Variants in KIF26B observed in about 807,000 individuals in gnomAD.
KIF26B encodes the protein kinesin family member 26B, also known as kinesin-like protein KIF26B.
In KIF26B, 63 loss-of-function variants were observed where a neutral mutation model predicts 151.2. The observed-to-expected ratio is 0.42, with a 90% CI of 0.34 to 0.51. The LOEUF (loss-of-function observed/expected upper bound fraction) is 0.51. Among genes scored for constraint, KIF26B ranks in the 20% least tolerant of loss-of-function variants. The pLI is 0.07. For missense variants in KIF26B, 2,813 were observed against 2,913.6 expected, an observed-to-expected ratio of 0.97 and a Z score of 0.79; for synonymous variants, 1,357 against 1,262.1, an observed-to-expected ratio of 1.08 and a Z score of -1.59.
intron 9 of KIF26B, among the ~76,000 whole-genome samples, chr1:245,626,924 C>A (rs182749692): frequency 6.6e-6 from 1 of 152,070 alleles, no homozygotes; most frequent in African/African-American, 2.4e-5. Flanking sequence ...TAAGAGATAG[C>A]GGTCTAGTTT....
intron 4 of KIF26B, among the ~76,000 whole-genome samples, chr1:245,464,386 TGTGTGTGTGGGTGTGTGCGTATGTGGGG>T (rs1385403733): frequency 2.0e-5 from 3 of 149,834 alleles, no homozygotes; most frequent in African/African-American, 5.0e-5. Context: ...TGTGTAGGTG[TGTGTGTGTGGGTGTGTGCGTATGTGGGG>T]GTGTGTGTGG....
chr1:245,610,066 C>T (rs1490708215), intron 8 of KIF26B, among the ~76,000 whole-genome samples: 6 of 152,196 alleles, frequency 3.9e-5, no homozygotes, highest in Non-Finnish European at 7.3e-5. Flanking sequence ...GAGGGTCTCT[C>T]CTTTGCTGTT....
chr1:245,348,138 C>G (rs1191792628), intron 2 of KIF26B, among the ~76,000 whole-genome samples: 3 of 152,138 alleles, frequency 2.0e-5, no homozygotes, highest in African/African-American at 7.2e-5. Flanking sequence ...TTTTTGATTT[C>G]TCCTTTGAGC....
In KIF26B at chr1:245,686,033, C is replaced by T. The variant is rs2044511636; in HGVS notation, c.3050C>T (p.Pro1017Leu). ...CCCGCCGCGGCACCCGCCCACAGCC[C>T]CAGCCCGGCCTCACCCAGGAGCGTC... Reference protein sequence around the residue: ...PVPAAAPAHSPSPASPRSVPG... With the variant: ...PVPAAAPAHSLSPASPRSVPG... Residue 1017 changes from proline (P) to leucine (L), a missense_variant, in exon 12 of 15, where the codon CCC (proline) becomes CTC (leucine). By Grantham distance (98) the Pro-to-Leu change is moderately conservative (BLOSUM62 -3). Coordinates refer to ENST00000407071, the MANE Select transcript of KIF26B (RefSeq NM_018012.4). The surrounding 1 kb of genome is among the most constrained non-coding windows in gnomAD (Gnocchi z 5.6). 6.3e-7 allele frequency: 1 copy of T among 1,594,936 alleles called. No homozygotes were observed. The highest frequency in any genetic ancestry group is 2.3e-5 in the East Asian group (1 of 43,618).
At chr1:245,487,105 G>C (rs563180809) in intron 4 of KIF26B, among the ~76,000 whole-genome samples, 17 of 152,004 alleles carry the variant, frequency 1.1e-4, no homozygotes, top group East Asian at 7.7e-4. Context: ...AGAATGGGGG[G>C]GGTGGTTAGA....
At chr1:245,469,065 G>T (rs747001274) in intron 4 of KIF26B, among the ~76,000 whole-genome samples, 29 of 151,992 alleles carry the variant, frequency 1.9e-4, no homozygotes, top group Non-Finnish European at 1.0e-4. Flanking sequence ...AAAGAGAAGG[G>T]TGGCTCTGCT....
intron 4 of KIF26B, among the ~76,000 whole-genome samples, chr1:245,442,788 AGCG>A (rs1659142843): frequency 9.0e-6 from 1 of 111,474 alleles, no homozygotes; most frequent in Non-Finnish European, 1.8e-5. Flanking sequence ...GTTCACCTAC[AGCG>A]GTCATCTCCC....
intron 2 of KIF26B, among the ~76,000 whole-genome samples, chr1:245,171,788 G>C (rs1668714187): frequency 6.6e-6 from 1 of 152,168 alleles, no homozygotes; most frequent in African/African-American, 2.4e-5. Flanking sequence ...ATCAGGATTT[G>C]TATATTTTGC....
At position 245,701,626 on chromosome 1, in the gene KIF26B, CATT is replaced by C. The variant is rs543021973; in HGVS notation, c.6179-826_6179-824del. ...ATCGTTTTCAAATCAAGTTCGTGTT[CATT>C]ATTATCTCATTTTATTCTTCACAGC... On this transcript the variant is annotated intron_variant, in intron 14 of 14. Transcript: ENST00000407071. 2.0e-3 allele frequency among the ~76,000 whole-genome samples: 304 copies of C among 152,216 alleles called. 1 individual carries two copies. Among genetic ancestry groups the C allele is most frequent in the African/African-American group, 6.9e-3 (288 of 41,504 alleles).
chr1:245,454,167 A>C (rs1189043494), intron 4 of KIF26B, among the ~76,000 whole-genome samples: 1 of 152,224 alleles, frequency 6.6e-6, no homozygotes. Context: ...TTATGAGTGA[A>C]GAAGGGAGCT....
chr1:245,679,107 G>A (rs1356861381), intron 10 of KIF26B, among the ~76,000 whole-genome samples: 1 of 152,134 alleles, frequency 6.6e-6, no homozygotes, highest in Non-Finnish European at 1.5e-5. Context: ...AAAGGAGCAG[G>A]TAGCGAGCAT....
chr1:245,287,495 TCTC>T (rs201010054), intron 2 of KIF26B, among the ~76,000 whole-genome samples: 73 of 79,274 alleles, frequency 9.2e-4, no homozygotes, highest in African/African-American at 1.8e-3. Flanking sequence ...CATCTCTCTC[TCTC>T]TTTTTTTTTT....
chr1:245,677,946 C>T (rs145996559), intron 10 of KIF26B, among the ~76,000 whole-genome samples: 1 of 152,212 alleles, frequency 6.6e-6, no homozygotes, highest in Non-Finnish European at 1.5e-5. Flanking sequence ...CAGCCTTTCC[C>T]ATGAGGGATA....
At chr1:245,604,028 TTGG>T (rs984490492) in intron 6 of KIF26B, among the ~76,000 whole-genome samples, 37 of 152,216 alleles carry the variant, frequency 2.4e-4, no homozygotes, top group African/African-American at 8.7e-4. Flanking sequence ...CCCTGGAGCT[TTGG>T]TGAAGATGGG....
At chr1:245,650,687 A>G (rs1311039975) in intron 10 of KIF26B, among the ~76,000 whole-genome samples, 1 of 152,266 alleles carries the variant, frequency 6.6e-6, no homozygotes, top group Non-Finnish European at 1.5e-5. Flanking sequence ...TTAATGGGTC[A>G]TATGACCTGT....
At chr1:245,552,295 A>G (rs1661905702) in intron 5 of KIF26B, among the ~76,000 whole-genome samples, 1 of 152,112 alleles carries the variant, frequency 6.6e-6, no homozygotes, top group African/African-American at 2.4e-5. Context: ...GCCGACAAGC[A>G]GAATTCCTTC....
At chr1:245,202,098 G>A (rs1290564659) in intron 2 of KIF26B, among the ~76,000 whole-genome samples, 3 of 152,250 alleles carry the variant, frequency 2.0e-5, no homozygotes, top group African/African-American at 7.2e-5. Flanking sequence ...TCCCATTTTC[G>A]AGGACTTGGC....
rs753429012 is a variant in KIF26B, at chr1:245,687,036, C to A, written c.4053C>A (p.Phe1351Leu). The change falls in exon 12 of 15, where the codon TTC (phenylalanine) becomes TTA (leucine). Residue 1351 changes from phenylalanine to leucine, a missense_variant. Transcript: ENST00000407071. The surrounding 1 kb of genome is among the most constrained non-coding windows in gnomAD (Gnocchi z 4.9). The stretch of plus-strand genomic sequence containing the variant: ...TGTCTGAGATGGGAGATGACTCTTT[C>A]AACAAAGCAGCCCCCATCAAAGGCT... ...LILSEMGDDS[F>L]NKAAPIKGCK... 6.2e-7 allele frequency: 1 copy of A among 1,613,226 alleles called. No homozygotes were observed. Among genetic ancestry groups the A allele is most frequent in the African/African-American group, 1.3e-5 (1 of 74,900 alleles).
intron 10 of KIF26B, among the ~76,000 whole-genome samples, chr1:245,674,177 T>TC (rs1412413732): frequency 8.6e-5 from 13 of 151,924 alleles, no homozygotes; most frequent in Middle Eastern, 3.4e-3. Flanking sequence ...TGTTTCCTTA[T>TC]CCCCCCCACC....
Sources: gnomAD v4.1 joint callset for allele counts (sites outside exome capture counted in the v4.1 genomes callset) on GRCh38, gnomAD v4.1.1 for gene constraint, Gnocchi (gnomAD v3.1) non-coding constraint, MANE v1.5 for transcripts, NCBI Gene and HGNC (gene_info 2026-07-23, HGNC 2026-07-21) for gene names.